NCKAP5: variants seen among roughly 807,000 people sequenced by gnomAD.
NCKAP5 encodes nck-associated protein 5.
A neutral mutation model predicts 167.0 loss-of-function variants in NCKAP5; 92 were observed. The observed-to-expected ratio is 0.55, with a 90% CI of 0.47 to 0.66. The LOEUF is 0.66. Among genes scored for constraint, NCKAP5 ranks in the 30% least tolerant of loss-of-function variants. The pLI is 0.00. For missense variants in NCKAP5, 2,378 were observed against 2,315.0 expected, an observed-to-expected ratio of 1.03 and a Z score of -0.56; for synonymous variants, 891 against 877.4, an observed-to-expected ratio of 1.02 and a Z score of -0.27.
At chr2:132,719,212 C>A (rs970104591) in intron 19 of NCKAP5, among the ~76,000 whole-genome samples, 1 of 151,888 alleles carries the variant, frequency 6.6e-6, no homozygotes, top group Admixed American at 6.6e-5. Flanking sequence ...AGAAGCAAGA[C>A]CGAGGTGGGC....
chr2:132,819,447 A>G (rs1248774509), intron 11 of NCKAP5, among the ~76,000 whole-genome samples: 1 of 152,226 alleles, frequency 6.6e-6, no homozygotes, highest in Non-Finnish European at 1.5e-5. Context: ...ACTATTTTCA[A>G]ACTTCAAAAG....
chr2:132,879,275 C>T (rs1691565333), intron 8 of NCKAP5, among the ~76,000 whole-genome samples: 2 of 152,214 alleles, frequency 1.3e-5, no homozygotes, highest in Non-Finnish European at 2.9e-5. Context: ...TAAGGCCCAT[C>T]ACAGACTCAC....
At chr2:133,624,980 T>C in the NCKAP5 span, among the ~76,000 whole-genome samples, 1 of 152,210 alleles carries the variant, frequency 6.6e-6, no homozygotes, top group African/African-American at 2.4e-5. Flanking sequence ...GCGGGTAGCA[T>C]AATGAGAGGA....
At chr2:133,490,959 G>T (rs1385686429) in intron 3 of NCKAP5, among the ~76,000 whole-genome samples, 1 of 152,208 alleles carries the variant, frequency 6.6e-6, no homozygotes, top group Non-Finnish European at 1.5e-5. Flanking sequence ...AAGTAGGTAA[G>T]CCTGCTTACT....
the NCKAP5 span, among the ~76,000 whole-genome samples, chr2:133,647,456 A>C: frequency 8.5e-6 from 1 of 118,272 alleles, no homozygotes; most frequent in African/African-American, 3.6e-5. Flanking sequence ...AAAGAACGAA[A>C]GAAAGAAAGG....
chr2:132,802,869 A>G (rs1424965973), intron 11 of NCKAP5, among the ~76,000 whole-genome samples: 1 of 152,168 alleles, frequency 6.6e-6, no homozygotes, highest in Non-Finnish European at 1.5e-5. Context: ...CACACTGAGA[A>G]GTGTGATTTT....
At chr2:132,750,632 T>C (rs981067562) in intron 16 of NCKAP5, among the ~76,000 whole-genome samples, 6 of 152,154 alleles carry the variant, frequency 3.9e-5, no homozygotes, top group Admixed American at 3.3e-4. Context: ...CTGAACAGAA[T>C]AGTGATGCTG....
At chr2:133,036,988 T>C (rs1047202899) in intron 6 of NCKAP5, among the ~76,000 whole-genome samples, 3 of 152,026 alleles carry the variant, frequency 2.0e-5, no homozygotes, top group Admixed American at 6.6e-5. Flanking sequence ...AAAATCAACA[T>C]GCAAAAATCA....
intron 4 of NCKAP5, among the ~76,000 whole-genome samples, chr2:133,226,210 G>C (rs1271492995): frequency 6.6e-6 from 1 of 152,046 alleles, no homozygotes; most frequent in Non-Finnish European, 1.5e-5. Context: ...CCAAGTGCTG[G>C]GTTTATAGGC....
rs1003983854 is a variant in NCKAP5, at chr2:133,468,610, G to T, written c.69+48848C>A. Among the ~76,000 whole-genome samples the T allele has an allele frequency of 1.6e-4, 25 of 152,140 alleles. 1 individual carries two copies. The highest frequency in any genetic ancestry group is 9.8e-4 in the Admixed American group (15 of 15,280). ...TGATCTGTCTAATGCTGACAGTGGGGTGTTAAAGTCTCCATTATTAATGTG... is the reference window on the plus strand; with the variant it reads ...TGATCTGTCTAATGCTGACAGTGGGTTGTTAAAGTCTCCATTATTAATGTG... On this transcript the variant is annotated intron_variant, in intron 3 of 19. Coordinates refer to ENST00000409261, the MANE Select transcript of NCKAP5 (RefSeq NM_207363.3).
chr2:133,402,194 C>T (rs1181204761), intron 3 of NCKAP5, among the ~76,000 whole-genome samples: 1 of 152,046 alleles, frequency 6.6e-6, no homozygotes, highest in East Asian at 1.9e-4. Flanking sequence ...AAGAAGGACT[C>T]GGTGTATAGT....
chr2:133,586,380 A>G, the NCKAP5 span, among the ~76,000 whole-genome samples: 37 of 150,992 alleles, frequency 2.5e-4, no homozygotes, highest in Non-Finnish European at 4.3e-4. Context: ...GTTGAGATTG[A>G]CCTCCTTGAA....
the NCKAP5 span, among the ~76,000 whole-genome samples, chr2:133,655,080 T>C: frequency 1.3e-5 from 2 of 152,190 alleles, no homozygotes; most frequent in African/African-American, 4.8e-5. Context: ...TTAAAGGAAA[T>C]TATTTACTTC....
chr2:133,409,092 G>A (rs1688621559), intron 3 of NCKAP5, among the ~76,000 whole-genome samples: 2 of 152,212 alleles, frequency 1.3e-5, no homozygotes, highest in Non-Finnish European at 2.9e-5. Flanking sequence ...GAAGTGCTGT[G>A]AACCAATTTG....
intron 6 of NCKAP5, among the ~76,000 whole-genome samples, chr2:133,038,549 A>C (rs1390988532): frequency 6.6e-6 from 1 of 152,134 alleles, no homozygotes; most frequent in Admixed American, 6.6e-5. Context: ...AATAACATCT[A>C]CTATTTGATA....
chr2:132,975,735 A>T (rs2076959994), intron 7 of NCKAP5, among the ~76,000 whole-genome samples: 1 of 152,122 alleles, frequency 6.6e-6, no homozygotes, highest in African/African-American at 2.4e-5. Flanking sequence ...TGCCATGTAG[A>T]TAGGGAATTT....
chr2:133,383,588 G>A (rs1185201820), intron 3 of NCKAP5, among the ~76,000 whole-genome samples: 1 of 152,182 alleles, frequency 6.6e-6, no homozygotes, highest in Non-Finnish European at 1.5e-5. Flanking sequence ...CCAGTAATGG[G>A]ATGGCTGGGT....
At chr2:132,768,760 C>T (rs1248093283) in intron 16 of NCKAP5, among the ~76,000 whole-genome samples, 5 of 151,286 alleles carry the variant, frequency 3.3e-5, no homozygotes, top group Non-Finnish European at 7.4e-5. Flanking sequence ...CTGCCTCAGC[C>T]TCCCGAGTAG....
At chr2:132,848,940 T>A (rs1322177106) in intron 11 of NCKAP5, among the ~76,000 whole-genome samples, 4 of 152,154 alleles carry the variant, frequency 2.6e-5, no homozygotes, top group Non-Finnish European at 4.4e-5. Context: ...GTATTCAGGA[T>A]CTGTCATACT....
Sources: gnomAD v4.1 joint callset for allele counts (sites outside exome capture counted in the v4.1 genomes callset) on GRCh38, gnomAD v4.1.1 for gene constraint, MANE v1.5 for transcripts, NCBI Gene and HGNC (gene_info 2026-07-23, HGNC 2026-07-21) for gene names.